Variants in ABLIM2 observed in about 807,000 individuals in gnomAD.
ABLIM2 encodes the protein actin-binding LIM protein 2.
ABLIM2 carries 53 observed loss-of-function variants against 97.7 expected under a neutral mutation model. The observed-to-expected ratio is 0.54, with a 90% CI of 0.44 to 0.68. The LOEUF (loss-of-function observed/expected upper bound fraction) is 0.68, where lower values mean the gene tolerates loss of function less well. Among genes scored for constraint, ABLIM2 ranks in the 30% least tolerant of loss-of-function variants. The pLI is 0.00. For missense variants in ABLIM2, 835 were observed against 867.2 expected (o/e 0.96, Z 0.47); for synonymous variants, 361 against 345.8 (o/e 1.04, Z -0.49).
chr4:7,997,556 T>A (rs976376233), intron 16 of ABLIM2, among the ~76,000 whole-genome samples: 1 of 152,296 alleles, frequency 6.6e-6, no homozygotes, highest in Non-Finnish European at 1.5e-5. Context: ...CCTGTCAAAT[T>A]TTTAATTTTG....
chr4:8,052,557 G>T lies in ABLIM2; in HGVS notation c.822+1631C>A, dbSNP rs1314018300. ...AGGCAGAAAAGGGCAGACTTCCCCTGGGACCCCCTCCCCTGCCAAAAGCAG... is the reference window on the plus strand; with the variant it reads ...AGGCAGAAAAGGGCAGACTTCCCCTTGGACCCCCTCCCCTGCCAAAAGCAG... On this transcript the variant is annotated intron_variant, in intron 8 of 20. Transcript: ENST00000447017. Among the ~76,000 whole-genome samples, 3 of 152,230 alleles carry T rather than the reference G, an allele frequency of 2.0e-5. No individual in the cohort carries two copies. The East Asian group carries it at 5.8e-4, about 29-fold the overall frequency.
rs1304424477 is a variant in ABLIM2, at chr4:8,155,836, C to T, written c.10+2844G>A. Among the ~76,000 whole-genome samples the T allele has an allele frequency of 6.6e-6, 1 of 151,608 alleles. No homozygotes were observed. The highest frequency in any genetic ancestry group is 1.5e-5 in the Non-Finnish European group (1 of 67,910). On this transcript the variant is annotated intron_variant, in intron 1 of 20. Coordinates refer to ENST00000447017, the MANE Select transcript of ABLIM2 (RefSeq NM_001130083.2). This position sits in a 1 kb window ranked among gnomAD's most constrained non-coding sequence, Gnocchi z 4.2. ...AGACACACACAAAGGGAAGACGGGGCGAGGACACAGACACACACAAAGGGA... is the reference window on the plus strand; with the variant it reads ...AGACACACACAAAGGGAAGACGGGGTGAGGACACAGACACACACAAAGGGA...
rs376436867 is a variant in ABLIM2 at position 7,983,540 on chromosome 4, C to T, written c.1743+7G>A. ...ACGGAGGTCAGTGTGGGAGCGGCCC[C>T]GCTTACCTTGTATTCTGTAAGAGAG... On this transcript the variant is annotated splice_region_variant and intron_variant, in intron 19 of 20. Coordinates refer to ENST00000447017, the MANE Select transcript of ABLIM2 (RefSeq NM_001130083.2). The T allele has an allele frequency of 8.9e-5, 144 of 1,613,126 alleles. No homozygotes were observed. The African/African-American group carries it at 1.4e-3, about 16-fold the overall frequency.
intron 20 of ABLIM2, among the ~76,000 whole-genome samples, chr4:7,975,506 A>G (rs1732272637): frequency 6.6e-6 from 1 of 152,144 alleles, no homozygotes; most frequent in Admixed American, 6.5e-5. Flanking sequence ...GTGGCTGGAC[A>G]TCCTGCATCC....
rs1812932526 is a variant in ABLIM2, at chr4:8,072,489, C to A, written c.675+5139G>T. Among the ~76,000 whole-genome samples, 1 of 152,248 alleles carries A rather than the reference C, an allele frequency of 6.6e-6. No homozygotes were observed. Among genetic ancestry groups the A allele is most frequent in the South Asian group, 2.1e-4 (1 of 4,838 alleles). ...ACGCGGGGCAGGTGAGGCTCCTGCA[C>A]CAGCAGCAGCAACAGCCGCAGCTGA... On this transcript the variant is annotated intron_variant, in intron 6 of 20. Transcript: ENST00000447017. The surrounding 1 kb of genome is among the most constrained non-coding windows in gnomAD (Gnocchi z 5.8).
At chr4:8,098,022 G>A (rs978586212) in intron 2 of ABLIM2, among the ~76,000 whole-genome samples, 6 of 152,316 alleles carry the variant, frequency 3.9e-5, no homozygotes, top group Admixed American at 3.3e-4. Flanking sequence ...CTCGCCCTCA[G>A]GACAACTTGC....
At position 8,112,112 on chromosome 4, in the gene ABLIM2, T is replaced by A. The variant is rs528265013; in HGVS notation, c.11-5475A>T. ...GGGGCTGAGAGTATTTAATCCCTCA[T>A]GATAATGAAACCCCAGCCTTGGGAA... On this transcript the variant is annotated intron_variant, in intron 1 of 20. Coordinates refer to ENST00000447017, the MANE Select transcript of ABLIM2 (RefSeq NM_001130083.2). This position sits in a 1 kb window ranked among gnomAD's most constrained non-coding sequence, Gnocchi z 4.2. Among the ~76,000 whole-genome samples, 4 of 152,134 alleles carry A rather than the reference T, an allele frequency of 2.6e-5. No individual in the cohort carries two copies. Among genetic ancestry groups the A allele is most frequent in the Non-Finnish European group, 4.4e-5 (3 of 68,016 alleles).
rs375501458 is a variant in ABLIM2, at chr4:8,120,491, C to T, written c.11-13854G>A. Among the ~76,000 whole-genome samples the T allele has an allele frequency of 3.9e-5, 6 of 151,906 alleles. No homozygotes were observed. Among genetic ancestry groups the T allele is most frequent in the Admixed American group, 3.3e-4 (5 of 15,258 alleles). ...AACCAGAGGGAACCCAACATGAAGA[C>T]GCGGGAGAAGATGGCGACTTAGATG... On this transcript the variant is annotated intron_variant, in intron 1 of 20. Coordinates refer to ENST00000447017, the MANE Select transcript of ABLIM2 (RefSeq NM_001130083.2). This position sits in a 1 kb window ranked among gnomAD's most constrained non-coding sequence, Gnocchi z 5.6.
chr4:8,094,488 G>C (rs975648778), intron 3 of ABLIM2, among the ~76,000 whole-genome samples: 3 of 152,186 alleles, frequency 2.0e-5, no homozygotes, highest in Non-Finnish European at 4.4e-5. Context: ...GTGATCGATC[G>C]AGCAAGCAGG....
At position 8,107,547 on chromosome 4, in the gene ABLIM2, C is replaced by T. The variant is rs867645613; in HGVS notation, c.11-910G>A. On this transcript the variant is annotated intron_variant, in intron 1 of 20. Coordinates refer to ENST00000447017, the MANE Select transcript of ABLIM2 (RefSeq NM_001130083.2). ...CAGGCACAGAGCCAGCCACACAGGA[C>T]CCGGGCAGGACCCAGCTGCCCGGAC... Among the ~76,000 whole-genome samples the T allele has an allele frequency of 6.6e-4, 101 of 152,276 alleles. 2 individuals are homozygous for T. The highest frequency in any genetic ancestry group is 2.3e-3 in the African/African-American group (97 of 41,558).
intron 1 of ABLIM2, among the ~76,000 whole-genome samples, chr4:8,136,308 C>T (rs1024864663): frequency 2.6e-5 from 4 of 152,068 alleles, no homozygotes; most frequent in African/African-American, 9.7e-5. Context: ...TGAAGGGGGA[C>T]ACGGCTTCTG....
intron 11 of ABLIM2, among the ~76,000 whole-genome samples, chr4:8,028,628 C>T (rs921107586): frequency 6.6e-6 from 1 of 152,154 alleles, no homozygotes; most frequent in African/African-American, 2.4e-5. Context: ...CTTGCTCACT[C>T]ATTCAATCAC....
rs755181811 is a variant in ABLIM2 at position 8,125,634 on chromosome 4, C to A, written c.11-18997G>T. On this transcript the variant is annotated intron_variant, in intron 1 of 20. Transcript: ENST00000447017. This position sits in a 1 kb window ranked among gnomAD's most constrained non-coding sequence, Gnocchi z 6.2. ...TCTGGGATGGTCGTGGTTGGCTCTG[C>A]CATCAGTGTGACGGTCCGTCCAGCA... Among the ~76,000 whole-genome samples the A allele has an allele frequency of 4.6e-5, 7 of 152,186 alleles. No homozygotes were observed. Among genetic ancestry groups the A allele is most frequent in the Non-Finnish European group, 1.0e-4 (7 of 68,044 alleles).
chr4:8,115,523 G>A (rs762704847), intron 1 of ABLIM2, among the ~76,000 whole-genome samples: 5 of 152,062 alleles, frequency 3.3e-5, no homozygotes, highest in South Asian at 2.1e-4. Flanking sequence ...ACTCTGACCC[G>A]CAACCACCTT....
In ABLIM2 at chr4:7,966,917, G is replaced by T; in HGVS notation, c.*73C>A. The stretch of plus-strand genomic sequence containing the variant: ...AAGCCAGAGCAAGGTGTGTGGGAGG[G>T]GTGTGTGCGGTTCTCGCCAGGGGCC... On this transcript the variant is annotated 3_prime_UTR_variant, in exon 21 of 21. Transcript: ENST00000447017. The T allele has an allele frequency of 1.1e-6, 1 of 912,706 alleles. No homozygotes were observed. Among genetic ancestry groups the T allele is most frequent in the Non-Finnish European group, 1.7e-6 (1 of 571,432 alleles). 56.5% of individuals were successfully genotyped at this position (912,706 alleles called of 1,614,324 possible).
At position 8,067,218 on chromosome 4, in the gene ABLIM2, C is replaced by A. The variant is rs1314024298; in HGVS notation, c.676-6164G>T. 1 of 152,294 alleles carries A rather than the reference C, an allele frequency of 6.6e-6. No homozygotes were observed. The highest frequency in any genetic ancestry group is 1.5e-5 in the Non-Finnish European group (1 of 68,102). 9.4% of individuals were successfully genotyped at this position (152,294 alleles called of 1,614,324 possible). A position where few individuals can be genotyped will look rare whatever the true frequency, so the allele number is the denominator to read the frequency against. On this transcript the variant is annotated intron_variant, in intron 6 of 20. Transcript: ENST00000447017. This position sits in a 1 kb window ranked among gnomAD's most constrained non-coding sequence, Gnocchi z 5.4. ...ATCGGGGACATTTGTGGCTGAGCCC[C>A]TGCAGGTCCGGGGCCTCAGAGCACG... is the stretch of plus-strand genomic sequence containing the variant.
At chr4:8,045,034 T>TA (rs1791389205) in intron 9 of ABLIM2, 130 bp downstream of exon 9, 2 of 792,222 alleles carry the variant, frequency 2.5e-6, no homozygotes. Context: ...ACAAGAGCAA[T>TA]GGCCGTACCT....
chr4:8,051,144 C>T (rs13129206), intron 8 of ABLIM2, among the ~76,000 whole-genome samples: 24,647 of 152,254 alleles, frequency 0.16, 2,179 homozygotes, highest in East Asian at 0.29. Flanking sequence ...GGTCAGAACC[C>T]GGGAGCTGTC....
At position 8,044,639 on chromosome 4, in the gene ABLIM2, C is replaced by A. The variant is rs569082255; in HGVS notation, c.900+525G>T. Among the ~76,000 whole-genome samples, 83 of 124,886 alleles carry A rather than the reference C, an allele frequency of 6.6e-4. No homozygotes were observed. Among genetic ancestry groups the A allele is most frequent in the African/African-American group, 2.4e-3 (77 of 32,766 alleles). 81.9% of individuals were successfully genotyped at this position (124,886 alleles called of 152,430 possible). On this transcript the variant is annotated intron_variant, in intron 9 of 20. Coordinates refer to ENST00000447017, the MANE Select transcript of ABLIM2 (RefSeq NM_001130083.2). This position sits in a 1 kb window ranked among gnomAD's most constrained non-coding sequence, Gnocchi z 4.4. ...TGATTATGGAAGCGTGTGAGGCGCA[C>A]AGACACACACACACACACACACACA... is the stretch of plus-strand genomic sequence containing the variant.
Sources: allele counts gnomAD v4.1 joint callset (sites outside exome capture counted in the v4.1 genomes callset), GRCh38; gene constraint gnomAD v4.1.1; non-coding constraint Gnocchi (gnomAD v3.1); transcripts MANE v1.5; gene names NCBI Gene and HGNC (gene_info 2026-07-23, HGNC 2026-07-21).